WSCD2: variants seen among roughly 807,000 people sequenced by gnomAD.
WSCD2 encodes the protein WSC domain sialate O sulfotransferase 2, also known as sialate:O-sulfotransferase 2.
In WSCD2, 28 loss-of-function variants were observed where a neutral mutation model predicts 55.7. The observed-to-expected ratio is 0.50, with a 90% CI of 0.37 to 0.69. WSCD2 has a LOEUF of 0.69. Among genes scored for constraint, WSCD2 ranks in the 30% least tolerant of loss-of-function variants. The pLI is 0.00. For missense variants in WSCD2, 616 were observed against 762.1 expected, an observed-to-expected ratio of 0.81 and a Z score of 2.26; for synonymous variants, 301 against 301.9, an observed-to-expected ratio of 1.00 and a Z score of 0.03.
At chr12:108,196,350 C>T in intron 2 of WSCD2, 136 bp downstream of exon 2, 1 of 1,286,676 alleles carries the variant, frequency 7.8e-7, no homozygotes, top group Non-Finnish European at 1.0e-6. Context: ...ATAGTGCCTG[C>T]CATTATCATC....
rs549048492 is a variant in WSCD2, at chr12:108,233,183, C to T, written c.1144+288C>T. 1.4e-5 allele frequency: 4 copies of T among 295,206 alleles called. No homozygotes were observed. In the East Asian group the frequency reaches 1.8e-4, roughly 14 times the overall value. The allele number at this position is 295,206 out of a possible 1,614,324, so 18.3% of individuals were successfully genotyped here. A position where few individuals can be genotyped will look rare whatever the true frequency, so the allele number is the denominator to read the frequency against. ...TACCTTTCCTCCATTTAGGTTACAA[C>T]AAACATTTCTTACACACCTACTGTG... On this transcript the variant is annotated intron_variant, in intron 7 of 8. Transcript: ENST00000547525.
chr12:108,199,688 A>G (rs1007939793), intron 2 of WSCD2, among the ~76,000 whole-genome samples: 2 of 151,690 alleles, frequency 1.3e-5, no homozygotes, highest in African/African-American at 4.9e-5. Context: ...ATTACATCAC[A>G]TAATCTTCAT....
At chr12:108,135,142 A>G (rs1374338797) in intron 1 of WSCD2, among the ~76,000 whole-genome samples, 1 of 152,054 alleles carries the variant, frequency 6.6e-6, no homozygotes. Context: ...CCGTCCGTCC[A>G]TCCGTCCATC....
chr12:108,199,006 T>G (rs1884319057), intron 2 of WSCD2, among the ~76,000 whole-genome samples: 1 of 152,188 alleles, frequency 6.6e-6, no homozygotes, highest in African/African-American at 2.4e-5. Flanking sequence ...ACCCCCACCA[T>G]GCCTTACCCA....
At chr12:108,163,193 TCCCGTC>T (rs1428680769) in intron 1 of WSCD2, among the ~76,000 whole-genome samples, 62 of 151,840 alleles carry the variant, frequency 4.1e-4, no homozygotes, top group Non-Finnish European at 6.3e-4. Context: ...CATGGTGAAA[TCCCGTC>T]TCTACTAAAA....
At chr12:108,147,807 T>C (rs1262739970) in intron 1 of WSCD2, among the ~76,000 whole-genome samples, 1 of 150,890 alleles carries the variant, frequency 6.6e-6, no homozygotes. Flanking sequence ...AAGTGAGCTA[T>C]GATCACACCA....
Position 108,246,958 on chromosome 12 carries a change from G to A in WSCD2, c.1346-1033G>A, listed in dbSNP as rs201704463. Reference sequence around the variant, plus strand: ...AAAACAGAATAATATCAGTAATAACGATAGCCAACATTGATTGAGCACCTG... The same window carrying A: ...AAAACAGAATAATATCAGTAATAACAATAGCCAACATTGATTGAGCACCTG... On this transcript the variant is annotated intron_variant, in intron 8 of 8. Transcript: ENST00000547525. 3.1e-4 allele frequency among the ~76,000 whole-genome samples: 47 copies of A among 152,276 alleles called. No homozygotes were observed. The South Asian group carries it at 8.7e-3, about 28-fold the overall frequency.
intron 1 of WSCD2, among the ~76,000 whole-genome samples, chr12:108,160,435 C>T (rs144449307): frequency 6.6e-6 from 1 of 152,190 alleles, no homozygotes; most frequent in Non-Finnish European, 1.5e-5. Flanking sequence ...ATTTTCTTGG[C>T]TTCTGGGGAG....
chr12:108,187,564 C>T (rs1327453728), intron 1 of WSCD2, among the ~76,000 whole-genome samples: 1 of 152,194 alleles, frequency 6.6e-6, no homozygotes, highest in Admixed American at 6.5e-5. Flanking sequence ...ATTTCCTAAT[C>T]TGTAAAATGG....
intron 6 of WSCD2, among the ~76,000 whole-genome samples, chr12:108,227,443 T>TC (rs1243338911): frequency 6.6e-6 from 1 of 152,210 alleles, no homozygotes; most frequent in Non-Finnish European, 1.5e-5. Flanking sequence ...AGACTGAGTC[T>TC]CCCACTGGCT....
chr12:108,242,746 A>G (rs1354417461), intron 8 of WSCD2, among the ~76,000 whole-genome samples: 6 of 152,218 alleles, frequency 3.9e-5, no homozygotes, highest in Non-Finnish European at 8.8e-5. Context: ...AGCATGCATT[A>G]GCTATTCTTC....
At chr12:108,183,038 T>C (rs1882002641) in intron 1 of WSCD2, among the ~76,000 whole-genome samples, 2 of 152,076 alleles carry the variant, frequency 1.3e-5, no homozygotes, top group South Asian at 4.2e-4. Flanking sequence ...GTTCTGGTTC[T>C]CTCTTCCATT....
At chr12:108,144,509 GTCCTTATGTGTGCGAGAGGATTCTA>G (rs1454316302) in intron 1 of WSCD2, among the ~76,000 whole-genome samples, 1 of 152,156 alleles carries the variant, frequency 6.6e-6, no homozygotes, top group Non-Finnish European at 1.5e-5. Context: ...TTCAGCTGTC[GTCCTTATGTGTGCGAGAGGATTCTA>G]TCCTAGCTCT....
chr12:108,168,286 G>C (rs1292827271), intron 1 of WSCD2, among the ~76,000 whole-genome samples: 1 of 152,204 alleles, frequency 6.6e-6, no homozygotes, highest in East Asian at 1.9e-4. Context: ...GATTGGAGCA[G>C]AAGTCCTGGA....
At chr12:108,170,938 A>G (rs185937937) in intron 1 of WSCD2, among the ~76,000 whole-genome samples, 77 of 152,282 alleles carry the variant, frequency 5.1e-4, no homozygotes, top group Middle Eastern at 3.4e-3. Flanking sequence ...CCCTGGGCTA[A>G]GGCTGGGCTC....
chr12:108,234,431 G>A (rs982252563), intron 7 of WSCD2, among the ~76,000 whole-genome samples: 1 of 152,336 alleles, frequency 6.6e-6, no homozygotes, highest in South Asian at 2.1e-4. Flanking sequence ...AGTTGGCAAC[G>A]GGTCAGGCAG....
At chr12:108,214,225 C>T (rs1170187023) in intron 4 of WSCD2, among the ~76,000 whole-genome samples, 2 of 152,200 alleles carry the variant, frequency 1.3e-5, no homozygotes, top group Non-Finnish European at 2.9e-5. Context: ...GGCACAGAAC[C>T]TTTAATGATT....
At chr12:108,227,248 A>C in intron 6 of WSCD2, 84 bp downstream of exon 6, 1 of 1,483,700 alleles carries the variant, frequency 6.7e-7, no homozygotes, top group Non-Finnish European at 9.1e-7. Context: ...TCCATCCCAC[A>C]CAGCCTGCAG....
Position 108,214,799 on chromosome 12 carries a change from T to C in WSCD2, c.682+4494T>C, listed in dbSNP as rs75951594. Among the ~76,000 whole-genome samples, 1,413 of 152,348 alleles carry C rather than the reference T, an allele frequency of 9.3e-3. 11 individuals are homozygous for C. Among genetic ancestry groups the C allele is most frequent in the Non-Finnish European group, 0.013 (904 of 68,026 alleles). On this transcript the variant is annotated intron_variant, in intron 4 of 8. Coordinates refer to ENST00000547525, the MANE Select transcript of WSCD2 (RefSeq NM_014653.4). Reference sequence around the variant, plus strand: ...CCTTCCTAGTTTAGTGAAGACATTATGAAGCTTACACTATCACTGAAAAAA... The same window carrying C: ...CCTTCCTAGTTTAGTGAAGACATTACGAAGCTTACACTATCACTGAAAAAA...
Sources: allele counts gnomAD v4.1 joint callset (sites outside exome capture counted in the v4.1 genomes callset), GRCh38; gene constraint gnomAD v4.1.1; transcripts MANE v1.5; gene names NCBI Gene and HGNC (gene_info 2026-07-23, HGNC 2026-07-21).